Variants in ZFAT observed in about 807,000 individuals in gnomAD.
ZFAT encodes zinc finger and AT-hook domain containing, also known as zinc finger protein ZFAT.
A neutral mutation model predicts 117.7 loss-of-function variants in ZFAT; 64 were observed. The ratio of observed to expected loss-of-function variants is 0.54; its 90% CI spans 0.44 to 0.67. The LOEUF is 0.67. ZFAT is among the 30% of genes least tolerant of loss of function. ZFAT has a pLI of 0.00. For synonymous variants in ZFAT, 679 were observed against 615.0 expected, an observed-to-expected ratio of 1.10 and a Z score of -1.54; for missense variants, 1,433 against 1,584.5, an observed-to-expected ratio of 0.90 and a Z score of 1.62.
intron 3 of ZFAT, among the ~76,000 whole-genome samples, chr8:134,621,855 G>A (rs972048372): frequency 2.0e-5 from 3 of 152,126 alleles, no homozygotes; most frequent in African/African-American, 4.8e-5. Context: ...CGTGAAATAC[G>A]GCTTTAACAA....
chr8:134,727,685 C>T, the ZFAT span, among the ~76,000 whole-genome samples: 3 of 151,884 alleles, frequency 2.0e-5, no homozygotes, highest in Non-Finnish European at 4.4e-5. Context: ...ATGTTAGGGG[C>T]GGGGAATCTT....
chr8:134,633,002 G>A (rs1386521106), intron 3 of ZFAT, among the ~76,000 whole-genome samples: 2 of 152,160 alleles, frequency 1.3e-5, no homozygotes, highest in African/African-American at 4.8e-5. Context: ...GCTATCTGAG[G>A]ACATGGCCCA....
the ZFAT span, among the ~76,000 whole-genome samples, chr8:134,799,391 G>T: frequency 6.6e-6 from 1 of 151,742 alleles, no homozygotes; most frequent in Admixed American, 6.6e-5. Flanking sequence ...GAATGTGGAT[G>T]TATCACCAAA....
chr8:134,549,967 G>A (rs192783627), intron 11 of ZFAT, among the ~76,000 whole-genome samples: 2 of 152,288 alleles, frequency 1.3e-5, no homozygotes, highest in African/African-American at 4.8e-5. Flanking sequence ...CAGGGAGTGA[G>A]GGGGAAGCAG....
At chr8:134,631,104 G>A (rs1245205061) in intron 3 of ZFAT, among the ~76,000 whole-genome samples, 1 of 152,200 alleles carries the variant, frequency 6.6e-6, no homozygotes, top group Non-Finnish European at 1.5e-5. Context: ...TTTCCATTTG[G>A]TATTTGTTAA....
At chr8:134,564,452 T>G (rs1042212850) in intron 11 of ZFAT, among the ~76,000 whole-genome samples, 1 of 152,194 alleles carries the variant, frequency 6.6e-6, no homozygotes, top group African/African-American at 2.4e-5. Flanking sequence ...ACAGGCCCTA[T>G]ATCAGGACAG....
upstream of ZFAT, chr8:134,713,160 C>T: frequency 6.2e-6 from 2 of 322,026 alleles, no homozygotes; most frequent in South Asian, 1.0e-4. Context: ...CAGTCGGAGG[C>T]CGTGCTTTTT....
At chr8:134,702,340 G>T (rs1186209709) in intron 1 of ZFAT, among the ~76,000 whole-genome samples, 1 of 152,174 alleles carries the variant, frequency 6.6e-6, no homozygotes, top group Non-Finnish European at 1.5e-5. Flanking sequence ...CTTGGAATAG[G>T]ATTGCTACCT....
At chr8:134,499,622 G>A (rs1203449096) in intron 15 of ZFAT, among the ~76,000 whole-genome samples, 3 of 150,838 alleles carry the variant, frequency 2.0e-5, no homozygotes, top group Non-Finnish European at 4.4e-5. Flanking sequence ...GGAGGGTCGG[G>A]GTGGAGCCGT....
At chr8:134,691,373 G>A (rs1833576745) in intron 1 of ZFAT, among the ~76,000 whole-genome samples, 1 of 151,692 alleles carries the variant, frequency 6.6e-6, no homozygotes, top group Non-Finnish European at 1.5e-5. Context: ...CAGGAGGCCA[G>A]TCTCCGCTGC....
intron 15 of ZFAT, among the ~76,000 whole-genome samples, chr8:134,485,794 C>T (rs981905200): frequency 7.2e-5 from 11 of 152,144 alleles, no homozygotes; most frequent in African/African-American, 2.7e-4. Context: ...ATGGCTGAAT[C>T]CCACAGAGGT....
At chr8:134,832,102 G>GCGGGGACGCGCCAGCGCCAGGGT in the ZFAT span, among the ~76,000 whole-genome samples, 8 of 138,496 alleles carry the variant, frequency 5.8e-5, no homozygotes, top group East Asian at 2.3e-3. Context: ...GGGAGAGGGC[G>GCGGGGACGCGCCAGCGCCAGGGT]CGGGGACGCG....
intron 8 of ZFAT, among the ~76,000 whole-genome samples, chr8:134,588,740 C>T (rs1000602505): frequency 6.6e-6 from 1 of 152,128 alleles, no homozygotes; most frequent in African/African-American, 2.4e-5. Flanking sequence ...GAAACAGAAA[C>T]ATAATGAACT....
At chr8:134,722,434 A>C in the ZFAT span, among the ~76,000 whole-genome samples, 1 of 152,206 alleles carries the variant, frequency 6.6e-6, no homozygotes, top group Non-Finnish European at 1.5e-5. Flanking sequence ...GCCTCCACCA[A>C]AGACAAAAGA....
the ZFAT span, among the ~76,000 whole-genome samples, chr8:134,758,266 AC>A: frequency 6.6e-6 from 1 of 152,212 alleles, no homozygotes; most frequent in African/African-American, 2.4e-5. Context: ...GGGTATGATC[AC>A]CCAGGGTGAG....
chr8:134,489,125 C>T (rs536182181), intron 15 of ZFAT, among the ~76,000 whole-genome samples: 1 of 152,078 alleles, frequency 6.6e-6, no homozygotes. Context: ...ATGGGTGCCT[C>T]TCTATTAGAC....
chr8:134,585,663 A>C (rs1306939502), intron 9 of ZFAT, among the ~76,000 whole-genome samples: 1 of 152,132 alleles, frequency 6.6e-6, no homozygotes, highest in Non-Finnish European at 1.5e-5. Flanking sequence ...ACTTCCGTGG[A>C]CTCTGTGACA....
At chr8:134,773,692 C>A in the ZFAT span, among the ~76,000 whole-genome samples, 1 of 152,060 alleles carries the variant, frequency 6.6e-6, no homozygotes, top group Admixed American at 6.6e-5. Context: ...AGTTCCAAAC[C>A]TTATGGATGA....
the ZFAT span, among the ~76,000 whole-genome samples, chr8:134,764,377 T>C: frequency 6.6e-6 from 1 of 152,260 alleles, no homozygotes; most frequent in East Asian, 1.9e-4. Context: ...TTGCTTGTAG[T>C]TCTGCAAGTG....
Sources: gnomAD v4.1 joint callset for allele counts (sites outside exome capture counted in the v4.1 genomes callset) on GRCh38, gnomAD v4.1.1 for gene constraint, MANE v1.5 for transcripts, NCBI Gene and HGNC (gene_info 2026-07-23, HGNC 2026-07-21) for gene names.